Variants in QKI observed in about 807,000 individuals in gnomAD.
QKI encodes the protein KH domain-containing RNA-binding protein QKI.
QKI carries 10 observed loss-of-function variants against 39.0 expected under a neutral mutation model. That is an observed-to-expected ratio of 0.26 (90% CI 0.16 to 0.43). QKI has a LOEUF of 0.43. Ranked by LOEUF, QKI falls within the 20% of genes least tolerant of loss-of-function variation. QKI has a pLI of 1.00. For synonymous variants in QKI, 204 were observed against 155.4 expected (o/e 1.31, Z -2.33); for missense variants, 218 against 428.0 (o/e 0.51, Z 4.33).
rs2128219219 is a variant in QKI, at chr6:163,455,316, A to G, written c.180A>G (p.Thr60=). 1.9e-6 allele frequency: 3 copies of G among 1,613,412 alleles called. No homozygotes were observed. The highest frequency in any genetic ancestry group is 1.1e-5 in the South Asian group (1 of 91,028). Residue 60 remains threonine, a synonymous_variant, in exon 2 of 8, where the codon ACA becomes ACG. Coordinates refer to ENST00000361752, the MANE Select transcript of QKI (RefSeq NM_006775.3). ...SRVRKDMYND[T]LNGSTEKRSA... is the part of the protein sequence containing the mutation. ...TACGGAAAGACATGTACAATGACAC[A>G]TTAAATGGCAGTACAGAGAAAAGGA...
intron 4 of QKI, among the ~76,000 whole-genome samples, chr6:163,551,421 C>G (rs1411375369): frequency 6.6e-6 from 1 of 152,232 alleles, no homozygotes; most frequent in South Asian, 2.1e-4. Flanking sequence ...CCTTACCTTA[C>G]TTTATTCTAG....
Position 163,567,855 on chromosome 6 carries a change from T to C in QKI, c.1009+1060T>C, listed in dbSNP as rs1783461859. ...TTCAATTGTACATCTTCTATGAATTTATGAAGGACCTACCTGCTTTATGTG... is the reference window on the plus strand; with the variant it reads ...TTCAATTGTACATCTTCTATGAATTCATGAAGGACCTACCTGCTTTATGTG... On this transcript the variant is annotated intron_variant, in intron 7 of 7. Transcript: ENST00000361752. The C allele has an allele frequency of 4.1e-6, 4 of 985,262 alleles. No homozygotes were observed. In the South Asian group the frequency reaches 1.4e-4, roughly 35 times the overall value. 61.0% of individuals were successfully genotyped at this position (985,262 alleles called of 1,614,324 possible).
chr6:163,518,870 T>C (rs1779985139), intron 3 of QKI, among the ~76,000 whole-genome samples: 1 of 152,212 alleles, frequency 6.6e-6, no homozygotes, highest in South Asian at 2.1e-4. Flanking sequence ...GTCAATTTTG[T>C]ATTTTGGCAA....
intron 2 of QKI, among the ~76,000 whole-genome samples, chr6:163,458,686 T>C (rs1432982471): frequency 6.6e-6 from 1 of 152,148 alleles, no homozygotes; most frequent in Non-Finnish European, 1.5e-5. Flanking sequence ...AGTAGTGCTA[T>C]AGTCTGTAGC....
At chr6:163,501,160 G>A (rs1349848708) in intron 3 of QKI, among the ~76,000 whole-genome samples, 3 of 151,962 alleles carry the variant, frequency 2.0e-5, no homozygotes, top group Non-Finnish European at 4.4e-5. Context: ...ATACTCAGAT[G>A]GATAATGTGA....
intron 1 of QKI, among the ~76,000 whole-genome samples, chr6:163,437,451 AT>A (rs1789399184): frequency 1.3e-5 from 2 of 152,170 alleles, no homozygotes; most frequent in Non-Finnish European, 2.9e-5. Context: ...ACTGGTGGTG[AT>A]TTACTTTTTA....
At chr6:163,562,850 T>G (rs532912601) in intron 5 of QKI, among the ~76,000 whole-genome samples, 17 of 152,344 alleles carry the variant, frequency 1.1e-4, no homozygotes, top group African/African-American at 3.8e-4. Context: ...AATTTACTCA[T>G]GAAAATGTGA....
intron 6 of QKI, chr6:163,564,224 G>T: frequency 9.7e-7 from 1 of 1,031,746 alleles, no homozygotes; most frequent in Non-Finnish European, 1.2e-6. Flanking sequence ...ATACAGTCAT[G>T]CATCGCTTAA....
intron 4 of QKI, among the ~76,000 whole-genome samples, chr6:163,550,948 C>CA (rs398003272): frequency 0.79 from 107,811 of 136,366 alleles, 41,858 homozygotes; most frequent in East Asian, 0.98. Flanking sequence ...CTCTGTCTCA[C>CA]AAAAAAAAAA....
chr6:163,493,128 CA>C (rs1331155833), intron 3 of QKI, among the ~76,000 whole-genome samples: 1 of 121,682 alleles, frequency 8.2e-6, no homozygotes, highest in African/African-American at 3.1e-5. Flanking sequence ...AAGTCATCTA[CA>C]ATACTTTTTT....
chr6:163,566,919 A>G, intron 7 of QKI, 124 bp downstream of exon 7: 1 of 1,456,258 alleles, frequency 6.9e-7, no homozygotes, highest in Non-Finnish European at 9.1e-7. Context: ...CCTTTTCTAA[A>G]TTTGTTTGTG....
chr6:163,563,051 C>T (rs1410810941), intron 5 of QKI, among the ~76,000 whole-genome samples: 2 of 152,100 alleles, frequency 1.3e-5, no homozygotes, highest in Non-Finnish European at 2.9e-5. Flanking sequence ...CTGTGGACTC[C>T]GGTTACAAAT....
intron 1 of QKI, 99 bp downstream of exon 1, chr6:163,415,434 C>T (rs1290714646): frequency 1.3e-5 from 12 of 891,946 alleles, no homozygotes; most frequent in Admixed American, 1.0e-4. Flanking sequence ...CACGGCCGGG[C>T]GGGACCGAGC....
intron 2 of QKI, among the ~76,000 whole-genome samples, chr6:163,472,127 T>G (rs1792242169): frequency 6.6e-6 from 1 of 152,202 alleles, no homozygotes; most frequent in African/African-American, 2.4e-5. Context: ...ACTGATAGCC[T>G]ACTGTCGACT....
intron 3 of QKI, among the ~76,000 whole-genome samples, chr6:163,519,559 A>G (rs919029951): frequency 1.3e-5 from 2 of 151,854 alleles, no homozygotes; most frequent in African/African-American, 4.8e-5. Flanking sequence ...AAATTTTCAC[A>G]TGTGAAAAAT....
rs557232653 is a variant in QKI at position 163,558,831 on chromosome 6, A to G, written c.547-3151A>G. The stretch of plus-strand genomic sequence containing the variant: ...CTAGAATCAAATTCCAGCTCTGCCA[A>G]CTAAATCCTGTGCATTTCTGGGAGG... On this transcript the variant is annotated intron_variant, in intron 4 of 7. Coordinates refer to ENST00000361752, the MANE Select transcript of QKI (RefSeq NM_006775.3). 1.6e-4 allele frequency among the ~76,000 whole-genome samples: 25 copies of G among 152,216 alleles called. 1 individual carries two copies. The South Asian group carries it at 5.0e-3, about 30-fold the overall frequency.
intron 4 of QKI, among the ~76,000 whole-genome samples, chr6:163,555,865 T>A (rs190562936): frequency 1.2e-4 from 19 of 152,310 alleles, no homozygotes; most frequent in Admixed American, 9.2e-4. Flanking sequence ...CTAAAAATAC[T>A]AAATAAACAT....
chr6:163,424,243 C>T lies in QKI; in HGVS notation c.142+8908C>T, dbSNP rs538498285. Among the ~76,000 whole-genome samples the T allele has an allele frequency of 8.4e-4, 127 of 152,070 alleles. 3 individuals are homozygous for T. Among genetic ancestry groups the T allele is most frequent in the Non-Finnish European group, 8.1e-4 (55 of 68,020 alleles). ...GGGATCAAAAAAATTACCCTGAAAC[C>T]GCATCTAATTGTCTATTGTCGCTGA... is the stretch of plus-strand genomic sequence containing the variant. On this transcript the variant is annotated intron_variant, in intron 1 of 7. Transcript: ENST00000361752.
chr6:163,557,323 G>T (rs1413925936), intron 4 of QKI, among the ~76,000 whole-genome samples: 2 of 152,302 alleles, frequency 1.3e-5, no homozygotes, highest in South Asian at 2.1e-4. Flanking sequence ...GAAATGTCCT[G>T]TGTCTTCAAT....
Sources: allele counts gnomAD v4.1 joint callset (sites outside exome capture counted in the v4.1 genomes callset), GRCh38; gene constraint gnomAD v4.1.1; transcripts MANE v1.5; gene names NCBI Gene and HGNC (gene_info 2026-07-23, HGNC 2026-07-21).